APLF: variants seen among roughly 807,000 people sequenced by gnomAD.
APLF encodes the protein aprataxin and PNKP like factor.
Under a neutral mutation model 55.6 loss-of-function variants are expected in APLF, and 61 were observed. The ratio of observed to expected loss-of-function variants is 1.10; its 90% CI spans 0.89 to 1.36. The LOEUF (loss-of-function observed/expected upper bound fraction) is 1.36, where lower values mean the gene tolerates loss of function less well. APLF is among the 40% of genes most tolerant of loss of function. The pLI is 0.00. For missense variants in APLF, 611 were observed against 602.5 expected, an observed-to-expected ratio of 1.01 and a Z score of -0.15; for synonymous variants, 207 against 214.8, an observed-to-expected ratio of 0.96 and a Z score of 0.32.
At chr2:68,515,120 G>T (rs1220670049) in intron 5 of APLF, among the ~76,000 whole-genome samples, 8 of 151,640 alleles carry the variant, frequency 5.3e-5, no homozygotes, top group Non-Finnish European at 1.2e-4. Context: ...TGGTAGTTTG[G>T]ATTATACTAG....
At position 68,467,728 on chromosome 2, in the gene APLF, C is replaced by T. The variant is rs1675472240; in HGVS notation, c.-4C>T. 8.1e-7 allele frequency: 1 copy of T among 1,234,904 alleles called. No individual in the cohort carries two copies. The highest frequency in any genetic ancestry group is 3.2e-5 in the East Asian group (1 of 31,692). The allele number at this position is 1,234,904 out of a possible 1,614,324, so 76.5% of individuals were successfully genotyped here. ...CTGGCGAAGGGGCCTAATCCTTGCC[C>T]GCCATGTCCGGGGGCTTCGAGCTGC... On this transcript the variant is annotated 5_prime_UTR_variant, in exon 1 of 10. Coordinates refer to ENST00000303795, the MANE Select transcript of APLF (RefSeq NM_173545.3).
chr2:68,537,746 T>C (rs1291280051), intron 6 of APLF, 126 bp from the exon 7 acceptor site: 6 of 718,350 alleles, frequency 8.4e-6, no homozygotes, highest in Non-Finnish European at 1.3e-5. Context: ...TTTAAGAACT[T>C]TAAAATGTGA....
intron 5 of APLF, among the ~76,000 whole-genome samples, chr2:68,517,845 T>C (rs1300658580): frequency 1.4e-5 from 2 of 144,954 alleles, no homozygotes; most frequent in Non-Finnish European, 3.0e-5. Flanking sequence ...AGCAGTAATA[T>C]ATCACTAATA....
intron 8 of APLF, among the ~76,000 whole-genome samples, chr2:68,564,206 C>T (rs1312867402): frequency 6.6e-6 from 1 of 152,060 alleles, no homozygotes; most frequent in Non-Finnish European, 1.5e-5. Flanking sequence ...AAATCGTCAC[C>T]ATAGCTTTGT....
intron 1 of APLF, among the ~76,000 whole-genome samples, chr2:68,469,051 G>A (rs964260106): frequency 1.3e-5 from 2 of 151,540 alleles, no homozygotes; most frequent in African/African-American, 4.9e-5. Context: ...ACATGCACAT[G>A]TGCATGTGGT....
rs371471924 is a variant in APLF, at chr2:68,471,144, C to T, written c.96+3317C>T. Among the ~76,000 whole-genome samples the T allele has an allele frequency of 9.3e-4, 141 of 152,262 alleles. 1 individual carries two copies. Among genetic ancestry groups the T allele is most frequent in the African/African-American group, 3.2e-3 (135 of 41,560 alleles). ...AACACGTGATTTCTTCCTTCCATTT[C>T]GGCATCTCAGCCTCTCATTCACTCT... is the stretch of plus-strand genomic sequence containing the variant. On this transcript the variant is annotated intron_variant, in intron 1 of 9. Transcript: ENST00000303795.
At chr2:68,513,310 A>G (rs938978083) in intron 4 of APLF, 83 bp downstream of exon 4, 12 of 1,440,150 alleles carry the variant, frequency 8.3e-6, no homozygotes, top group Non-Finnish European at 1.1e-5. Flanking sequence ...AATTAGGCCT[A>G]TTATGACAAT....
chr2:68,517,045 A>G (rs1163925134), intron 5 of APLF, among the ~76,000 whole-genome samples: 4 of 124,396 alleles, frequency 3.2e-5, no homozygotes, highest in Non-Finnish European at 4.7e-5. Context: ...AATATATAAT[A>G]ACATGTTATT....
chr2:68,536,366 T>C (rs1359129370), intron 6 of APLF, among the ~76,000 whole-genome samples: 4 of 152,202 alleles, frequency 2.6e-5, no homozygotes, highest in African/African-American at 9.6e-5. Context: ...AAATGAAATA[T>C]CTTCTTAAGA....
chr2:68,508,870 G>T (rs896500268), intron 3 of APLF, among the ~76,000 whole-genome samples: 6 of 152,096 alleles, frequency 3.9e-5, no homozygotes, highest in Non-Finnish European at 5.9e-5. Context: ...TACCAAAACA[G>T]AGGTATAGAC....
intron 2 of APLF, among the ~76,000 whole-genome samples, chr2:68,498,338 G>A (rs1444400606): frequency 6.6e-6 from 1 of 152,154 alleles, no homozygotes; most frequent in Non-Finnish European, 1.5e-5. Context: ...GATCCCTTCT[G>A]TATACTGCAT....
intron 9 of APLF, among the ~76,000 whole-genome samples, chr2:68,575,047 G>A (rs994351242): frequency 1.5e-4 from 23 of 152,188 alleles, no homozygotes; most frequent in Admixed American, 9.2e-4. Context: ...ATGGGCAGTG[G>A]ACACACAAGC....
intron 5 of APLF, among the ~76,000 whole-genome samples, chr2:68,525,602 T>C (rs1378622819): frequency 6.6e-6 from 1 of 152,186 alleles, no homozygotes; most frequent in Non-Finnish European, 1.5e-5. Flanking sequence ...CTCAGCCTGG[T>C]AGAATGCACG....
chr2:68,560,774 G>A (rs926282397), intron 8 of APLF, among the ~76,000 whole-genome samples: 5 of 152,040 alleles, frequency 3.3e-5, no homozygotes, highest in Non-Finnish European at 4.4e-5. Flanking sequence ...TTTTATGAAT[G>A]AGCTCTGATT....
intron 2 of APLF, among the ~76,000 whole-genome samples, chr2:68,498,266 A>G (rs1676619142): frequency 2.0e-5 from 3 of 152,178 alleles, no homozygotes; most frequent in Admixed American, 1.3e-4. Context: ...TCAAGAGGGA[A>G]ATTTTAGTTA....
chr2:68,566,145 T>A (rs942152468), intron 8 of APLF, among the ~76,000 whole-genome samples: 2 of 152,084 alleles, frequency 1.3e-5, no homozygotes, highest in Non-Finnish European at 2.9e-5. Context: ...GGAGGATTTA[T>A]AGAAAAATTT....
chr2:68,533,564 A>G lies in APLF; in HGVS notation c.805-4308A>G, dbSNP rs536712773. Among the ~76,000 whole-genome samples, 31 of 152,112 alleles carry G rather than the reference A, an allele frequency of 2.0e-4. 1 individual carries two copies. The South Asian group carries it at 6.4e-3, about 32-fold the overall frequency. ...GGGTCAGCTGGGCAATTCTTTTATG[A>G]CATGTTTTTGGTGTCAGCTGGGCTT... On this transcript the variant is annotated intron_variant, in intron 6 of 9. Transcript: ENST00000303795.
chr2:68,538,112 T>G lies in APLF; in HGVS notation c.1045T>G (p.Ser349Ala), dbSNP rs757209472. Residue 349 changes from serine to alanine, a missense_variant, in exon 7 of 10, where the codon TCT (serine) becomes GCT (alanine). By Grantham distance (99) the Ser-to-Ala change is moderately conservative. Coordinates refer to ENST00000303795, the MANE Select transcript of APLF (RefSeq NM_173545.3). ...ESQGSHSESSSNPSNPETLHA... is the reference protein window; with the variant it reads ...ESQGSHSESSANPSNPETLHA... ...TCAAGGGTCTCATTCTGAGTCCAGC[T>G]CTAATCCCTCCAATCCTGAAACTTT... 1 of 1,614,106 alleles carries G rather than the reference T, an allele frequency of 6.2e-7. No individual in the cohort carries two copies. The highest frequency in any genetic ancestry group is 8.5e-7 in the Non-Finnish European group (1 of 1,180,000).
chr2:68,493,179 C>T (rs1386263993), intron 2 of APLF, among the ~76,000 whole-genome samples: 1 of 152,136 alleles, frequency 6.6e-6, no homozygotes, highest in African/African-American at 2.4e-5. Context: ...GTTTTAGTGC[C>T]TTCAGTTGAA....
Sources: gnomAD v4.1 joint callset for allele counts (sites outside exome capture counted in the v4.1 genomes callset) on GRCh38, gnomAD v4.1.1 for gene constraint, MANE v1.5 for transcripts, NCBI Gene and HGNC (gene_info 2026-07-23, HGNC 2026-07-21) for gene names.